RNF212: variants seen among roughly 807,000 people sequenced by gnomAD.
RNF212 encodes ring finger protein 212.
A neutral mutation model predicts 34.7 loss-of-function variants in RNF212; 33 were observed. The ratio of observed to expected loss-of-function variants is 0.95; its 90% confidence interval spans 0.72 to 1.27. RNF212 has a LOEUF of 1.27. RNF212 is among the 50% of genes most tolerant of loss of function. The probability of loss-of-function intolerance (pLI) is 0.00; values close to 1 mark genes in which losing one functional copy is unlikely to be tolerated. For missense variants in RNF212, 377 were observed against 362.2 expected, an observed-to-expected ratio of 1.04 and a Z score of -0.33; for synonymous variants, 140 against 136.1, an observed-to-expected ratio of 1.03 and a Z score of -0.20.
At position 1,099,811 on chromosome 4, in the gene RNF212, C is replaced by T. The variant is rs527932789; in HGVS notation, c.172-2972G>A. 5.0e-3 allele frequency: 2,268 copies of T among 456,248 alleles called. 59 individuals are homozygous for T. The highest frequency in any genetic ancestry group is 0.034 in the South Asian group (2,211 of 64,566). The allele number at this position is 456,248 out of a possible 1,614,324, so 28.3% of individuals were successfully genotyped here. ...CCCTGGTGCAGAGCAATCGAGTCCA[C>T]AAGGTCCGACGGCGCAAGCGGACAC... On this transcript the variant is annotated intron_variant, in intron 2 of 9. Coordinates refer to ENST00000433731, the MANE Select transcript of RNF212 (RefSeq NM_001131034.4).
intron 2 of RNF212, among the ~76,000 whole-genome samples, chr4:1,099,144 A>G (rs759874857): frequency 6.6e-6 from 1 of 151,940 alleles, no homozygotes; most frequent in Non-Finnish European, 1.5e-5. Flanking sequence ...CCATTCCTCC[A>G]CCCCGGCACT....
rs536202018 is a variant in RNF212, at chr4:1,065,337, A to C, written n.148-6944T>G. On this transcript the variant is annotated intron_variant and non_coding_transcript_variant, in intron 3 of 4. Coordinates refer to the RNF212 transcript ENST00000503206. ...AAATGATTACAATAAACATTTATTT[A>C]AAGGAAAACATCTGCAGACCAAATA... 3.9e-5 allele frequency among the ~76,000 whole-genome samples: 6 copies of C among 152,364 alleles called. No individual in the cohort carries two copies. In the East Asian group the frequency reaches 1.2e-3, roughly 29 times the overall value.
At chr4:1,061,760 T>C (rs1472804566) in intron 3 of RNF212, among the ~76,000 whole-genome samples, 1 of 151,986 alleles carries the variant, frequency 6.6e-6, no homozygotes, top group African/African-American at 2.4e-5. Flanking sequence ...GGACACAGAT[T>C]CTCCAGCTTA....
intron 5 of RNF212, among the ~76,000 whole-genome samples, chr4:1,082,428 G>A (rs776037901): frequency 1.3e-5 from 2 of 152,230 alleles, no homozygotes; most frequent in Non-Finnish European, 2.9e-5. Flanking sequence ...CTGCACATGA[G>A]GGGTGGGGCT....
downstream of RNF212, among the ~76,000 whole-genome samples, chr4:1,070,849 G>A (rs1256864703): frequency 2.0e-5 from 3 of 152,108 alleles, no homozygotes; most frequent in Non-Finnish European, 1.5e-5. Context: ...AACATTTGGG[G>A]AATCTGGACA....
rs866859949 is a variant in RNF212 at position 1,057,027 on chromosome 4, C to T, written n.221-524G>A. 11 of 981,302 alleles carry T rather than the reference C, an allele frequency of 1.1e-5. No homozygotes were observed. The Middle Eastern group carries it at 2.3e-3, about 201-fold the overall frequency. The allele number at this position is 981,302 out of a possible 1,614,324, so 60.8% of individuals were successfully genotyped here. On this transcript the variant is annotated intron_variant and non_coding_transcript_variant, in intron 4 of 4. Transcript: ENST00000503206. ...ATCCTAATAAATTCAAGAAACACAA[C>T]ATCATGAATGCTCGGAGCATCTCTG...
At chr4:1,074,559 ACT>A (rs976988388) in intron 8 of RNF212, among the ~76,000 whole-genome samples, 1 of 150,898 alleles carries the variant, frequency 6.6e-6, no homozygotes, top group African/African-American at 2.4e-5. Context: ...TGCTCCAGGG[ACT>A]CTCTCTGCCA....
At chr4:1,088,789 G>C (rs1294358197) in intron 4 of RNF212, among the ~76,000 whole-genome samples, 1 of 152,220 alleles carries the variant, frequency 6.6e-6, no homozygotes, top group African/African-American at 2.4e-5. Context: ...TGACTAAAAG[G>C]GTCCAAGGTA....
chr4:1,090,966 GC>G, intron 3 of RNF212, 128 bp from the exon 4 acceptor site: 1 of 632,180 alleles, frequency 1.6e-6, no homozygotes, highest in Non-Finnish European at 2.8e-6. Context: ...CGTGTGTCCT[GC>G]CCCCACAGAC....
Position 1,099,575 on chromosome 4 carries a change from G to A in RNF212, c.172-2736C>T, listed in dbSNP as rs113521083. 362 of 381,304 alleles carry A rather than the reference G, an allele frequency of 9.5e-4. 3 individuals carry two copies. Among genetic ancestry groups the A allele is most frequent in the African/African-American group, 6.6e-3 (314 of 47,650 alleles). 23.6% of individuals were successfully genotyped at this position (381,304 alleles called of 1,614,324 possible). On this transcript the variant is annotated intron_variant, in intron 2 of 9. Coordinates refer to ENST00000433731, the MANE Select transcript of RNF212 (RefSeq NM_001131034.4). ...GCATCATCAAGAAAACTGAATTTTT[G>A]TTAGACTTTTAAAAGTCAAGATTGC...
chr4:1,074,937 A>C (rs559105744), intron 8 of RNF212, among the ~76,000 whole-genome samples: 1 of 152,220 alleles, frequency 6.6e-6, no homozygotes, highest in South Asian at 2.1e-4. Context: ...GGATGTCTTC[A>C]ATATCAAGTT....
intron 3 of RNF212, among the ~76,000 whole-genome samples, chr4:1,059,207 C>T (rs76319257): frequency 0.065 from 9,936 of 152,266 alleles, 451 homozygotes; most frequent in Non-Finnish European, 0.11. Context: ...AGCCTCCGTG[C>T]CCCCGACAGG....
chr4:1,072,707 C>T lies in RNF212; in HGVS notation c.*167G>A. On this transcript the variant is annotated 3_prime_UTR_variant, in exon 10 of 10. Transcript: ENST00000433731. The stretch of plus-strand genomic sequence containing the variant: ...ACATAAAAATATTGTCTCTAAAATT[C>T]AAAGGTCAAATATAAAATTACAAAG... The T allele has an allele frequency of 3.6e-6, 5 of 1,375,028 alleles. No homozygotes were observed. Among genetic ancestry groups the T allele is most frequent in the Non-Finnish European group, 4.7e-6 (5 of 1,056,518 alleles). The allele number at this position is 1,375,028 out of a possible 1,614,324, so 85.2% of individuals were successfully genotyped here. A position where few individuals can be genotyped will look rare whatever the true frequency, so the allele number is the denominator to read the frequency against.
rs145237365 is a variant in RNF212, at chr4:1,090,886, G to A, written c.247-48C>T. On this transcript the variant is annotated intron_variant, in intron 3 of 9. Coordinates refer to ENST00000433731, the MANE Select transcript of RNF212 (RefSeq NM_001131034.4). ...CTGCTGACACAGATCCACGGTCTCTGTGGCTGGAGTTTTGTTGGGGGAGGA... is the reference window on the plus strand; with the variant it reads ...CTGCTGACACAGATCCACGGTCTCTATGGCTGGAGTTTTGTTGGGGGAGGA... The A allele has an allele frequency of 5.6e-6, 7 of 1,251,904 alleles. No individual in the cohort carries two copies. In the African/African-American group the frequency reaches 8.9e-5, roughly 16 times the overall value. 77.5% of individuals were successfully genotyped at this position (1,251,904 alleles called of 1,614,324 possible).
rs183841757 is a variant in RNF212 at position 1,099,024 on chromosome 4, A to T, written c.172-2185T>A. Among the ~76,000 whole-genome samples the T allele has an allele frequency of 4.6e-5, 7 of 152,314 alleles. No homozygotes were observed. In the East Asian group the frequency reaches 1.2e-3, roughly 25 times the overall value. The stretch of plus-strand genomic sequence containing the variant: ...ACATGACAGACACCCCAGGATGTCC[A>T]GAAGATGAGCCTAGAGCCAGAACAG... On this transcript the variant is annotated intron_variant, in intron 2 of 9. Coordinates refer to ENST00000433731, the MANE Select transcript of RNF212 (RefSeq NM_001131034.4).
At chr4:1,062,823 A>G (rs1717837259) in intron 3 of RNF212, among the ~76,000 whole-genome samples, 1 of 152,252 alleles carries the variant, frequency 6.6e-6, no homozygotes, top group Non-Finnish European at 1.5e-5. Flanking sequence ...TAGAGAATCC[A>G]CAAAAAAAAT....
chr4:1,068,313 A>G (rs1041919680), downstream of RNF212, among the ~76,000 whole-genome samples: 3 of 152,200 alleles, frequency 2.0e-5, no homozygotes, highest in African/African-American at 4.8e-5. Flanking sequence ...CCGTTCTGCT[A>G]TTTATTCTCC....
intron 3 of RNF212, among the ~76,000 whole-genome samples, chr4:1,062,647 G>C (rs1239426043): frequency 2.6e-5 from 4 of 152,204 alleles, no homozygotes; most frequent in Admixed American, 1.3e-4. Flanking sequence ...GAAAGTTCCA[G>C]AGAGGGCGGT....
intron 1 of RNF212, among the ~76,000 whole-genome samples, chr4:1,112,185 C>T (rs1050653154): frequency 9.9e-5 from 15 of 152,174 alleles, no homozygotes; most frequent in South Asian, 2.1e-4. Context: ...CCAGCCTGGG[C>T]GACAAAGCTG....
Sources: gnomAD v4.1 joint callset for allele counts (sites outside exome capture counted in the v4.1 genomes callset) on GRCh38, gnomAD v4.1.1 for gene constraint, MANE v1.5 for transcripts, NCBI Gene and HGNC (gene_info 2026-07-23, HGNC 2026-07-21) for gene names.